The following LOXL2 variants were observed in gnomAD, a reference collection of about 807,000 sequenced individuals.
LOXL2 encodes lysyl oxidase like 2, also known as lysyl oxidase homolog 2.
In LOXL2, 70 loss-of-function variants were observed where a neutral mutation model predicts 93.0. That is an observed-to-expected ratio of 0.75 (90% CI 0.62 to 0.92). The LOEUF (loss-of-function observed/expected upper bound fraction) is 0.92. LOXL2 is among the 40% of genes least tolerant of loss of function. The pLI, the probability that LOXL2 is intolerant of heterozygous loss-of-function variation, is 0.00. For synonymous variants in LOXL2, 438 were observed against 413.2 expected, an observed-to-expected ratio of 1.06 and a Z score of -0.73; for missense variants, 973 against 1,054.9, an observed-to-expected ratio of 0.92 and a Z score of 1.08.
At chr8:23,330,754 T>C (rs142884184) in intron 5 of LOXL2, among the ~76,000 whole-genome samples, 1 of 132,808 alleles carries the variant, frequency 7.5e-6, no homozygotes, top group African/African-American at 2.9e-5. Context: ...GCTGAGGCTG[T>C]GGAAAGGATG....
Position 23,368,259 on chromosome 8 carries a change from G to T in LOXL2, c.93C>A (p.Pro31=). 2 of 1,613,906 alleles carry T rather than the reference G, an allele frequency of 1.2e-6. No individual in the cohort carries two copies. Among genetic ancestry groups the T allele is most frequent in the Non-Finnish European group, 1.7e-6 (2 of 1,180,012 alleles). ...PLSLAQYDSW[P]HYPEYFQQPA... is the part of the protein sequence containing the mutation. ...GTTGCTGGAAGTACTCGGGGTAATG[G>T]GGCCAGCTGTCATACTGTGCCAGGC... The change falls in exon 2 of 14, where the codon CCC becomes CCA. Residue 31 remains proline (P), a synonymous_variant. Transcript: ENST00000389131.
intron 3 of LOXL2, among the ~76,000 whole-genome samples, chr8:23,345,505 G>A (rs1483777476): frequency 6.6e-6 from 1 of 152,222 alleles, no homozygotes; most frequent in Non-Finnish European, 1.5e-5. Context: ...AGCGGGAGGA[G>A]GCAGGGAAGC....
intron 3 of LOXL2, among the ~76,000 whole-genome samples, chr8:23,347,719 C>G (rs1251384620): frequency 1.3e-5 from 2 of 151,946 alleles, no homozygotes; most frequent in South Asian, 4.1e-4. Flanking sequence ...CTATAATCCT[C>G]GTGCTTTGAG....
Position 23,368,078 on chromosome 8 carries a change from C to T in LOXL2, c.274G>A (p.Ala92Thr), listed in dbSNP as rs775789952. The change falls in exon 2 of 14, where the codon GCT (alanine) becomes ACT (threonine). Residue 92 changes from alanine to threonine, a missense_variant. Coordinates refer to ENST00000389131, the MANE Select transcript of LOXL2 (RefSeq NM_002318.3). ...AGCTCCCGGCAGACGACGTGGGCAG[C>T]GTGGATGGAGAAGTCGTCATCGCAC... ...TVCDDDFSIH[A>T]AHVVCRELGY... The T allele has an allele frequency of 9.9e-6, 16 of 1,613,928 alleles. No individual in the cohort carries two copies. Among genetic ancestry groups the T allele is most frequent in the Admixed American group, 1.7e-5 (1 of 60,006 alleles).
intron 1 of LOXL2, among the ~76,000 whole-genome samples, chr8:23,399,756 A>G (rs1049069302): frequency 6.6e-6 from 1 of 152,218 alleles, no homozygotes; most frequent in Non-Finnish European, 1.5e-5. Flanking sequence ...AGGCTCCCCA[A>G]ACTTTAAAAT....
intron 1 of LOXL2, among the ~76,000 whole-genome samples, chr8:23,373,857 C>G (rs1563205415): frequency 1.3e-5 from 2 of 152,178 alleles, no homozygotes; most frequent in South Asian, 4.2e-4. Context: ...TCTCCCTCCC[C>G]TGACTTTCCC....
At chr8:23,344,368 G>A (rs922081778) in intron 3 of LOXL2, among the ~76,000 whole-genome samples, 2 of 152,078 alleles carry the variant, frequency 1.3e-5, no homozygotes, top group African/African-American at 4.8e-5. Flanking sequence ...GCATGGTGGT[G>A]TGTGCTTGAT....
rs536312869 is a variant in LOXL2, at chr8:23,310,045, G to T, written c.1637-134C>A. ...TGGAATGACTCAAGGGCTCCTCAAG[G>T]TTACCTTCTTGTTTAGCAAGACCCT... On this transcript the variant is annotated intron_variant, in intron 9 of 13. Coordinates refer to ENST00000389131, the MANE Select transcript of LOXL2 (RefSeq NM_002318.3). 2,123 of 966,816 alleles carry T rather than the reference G, an allele frequency of 2.2e-3. 11 individuals carry two copies. Among genetic ancestry groups the T allele is most frequent in the Non-Finnish European group, 2.7e-3 (1,925 of 712,458 alleles). The allele number at this position is 966,816 out of a possible 1,614,324, so 59.9% of individuals were successfully genotyped here.
chr8:23,341,877 G>C (rs1345474506), intron 3 of LOXL2, among the ~76,000 whole-genome samples: 1 of 152,236 alleles, frequency 6.6e-6, no homozygotes, highest in Non-Finnish European at 1.5e-5. Flanking sequence ...GCAGGGATCA[G>C]GGAGGTAGGG....
At chr8:23,302,316 A>AC (rs34437329) in intron 11 of LOXL2, among the ~76,000 whole-genome samples, 153 bp from the exon 12 acceptor site, 2 of 141,988 alleles carry the variant, frequency 1.4e-5, no homozygotes, top group Admixed American at 1.4e-4. Context: ...TTTCAGTAGA[A>AC]CCCCCCACTC....
chr8:23,351,034 A>C (rs1200828792), intron 3 of LOXL2, among the ~76,000 whole-genome samples: 1 of 152,118 alleles, frequency 6.6e-6, no homozygotes, highest in Non-Finnish European at 1.5e-5. Flanking sequence ...ATGGTAACAC[A>C]GTCATGAGGC....
intron 12 of LOXL2, 38 bp downstream of exon 12, chr8:23,301,989 C>A: frequency 1.2e-6 from 2 of 1,611,662 alleles, no homozygotes; most frequent in South Asian, 1.1e-5. Context: ...CTCCCCTCCT[C>A]CCCCTGCAGG....
rs1426979379 is a variant in LOXL2, at chr8:23,368,413, G to A, written c.-62C>T. On this transcript the variant is annotated 5_prime_UTR_variant, in exon 2 of 14. Coordinates refer to ENST00000389131, the MANE Select transcript of LOXL2 (RefSeq NM_002318.3). ...TGCGCAGCTGGGAGGGACAGGCGGG[G>A]TACAGAAGCAGCAGGAGCTTTCTGG... 2.1e-6 allele frequency: 3 copies of A among 1,432,680 alleles called. No homozygotes were observed. Among genetic ancestry groups the A allele is most frequent in the East Asian group, 2.3e-5 (1 of 44,016 alleles). The allele number at this position is 1,432,680 out of a possible 1,614,324, so 88.7% of individuals were successfully genotyped here.
At chr8:23,320,799 C>T (rs575900472) in intron 7 of LOXL2, among the ~76,000 whole-genome samples, 12 of 152,130 alleles carry the variant, frequency 7.9e-5, no homozygotes, top group Non-Finnish European at 1.2e-4. Context: ...CTGTAGTCCC[C>T]GCTACTCGGG....
intron 12 of LOXL2, among the ~76,000 whole-genome samples, chr8:23,299,582 A>G (rs1803093684): frequency 6.6e-6 from 1 of 152,132 alleles, no homozygotes; most frequent in South Asian, 2.1e-4. Context: ...ATATTCTGGG[A>G]GAGTGTCTGT....
Position 23,360,205 on chromosome 8 carries a change from G to A in LOXL2, c.416C>T (p.Thr139Ile), listed in dbSNP as rs1297748326. The change falls in exon 3 of 14, where the codon ACC becomes ATC. Residue 139 changes from threonine to isoleucine, a missense_variant. Physicochemically the swap from Thr to Ile is moderately conservative, Grantham distance 89. Transcript: ENST00000389131. ...GTCAGTGACGCCCCAGCCATTGGAG[G>A]TGCATGCTGCAAGGGTCGCCTCGTT... ...TGNEATLAAC[T>I]SNGWGVTDCK... The A allele has an allele frequency of 6.2e-7, 1 of 1,614,086 alleles. No homozygotes were observed. The highest frequency in any genetic ancestry group is 1.7e-5 in the Admixed American group (1 of 60,024).
intron 4 of LOXL2, among the ~76,000 whole-genome samples, chr8:23,340,615 G>A (rs75758907): frequency 6.6e-6 from 1 of 152,150 alleles, no homozygotes; most frequent in Non-Finnish European, 1.5e-5. Flanking sequence ...GGTGTTGTCT[G>A]TGCCCAGCCT....
rs556123208 is a variant in LOXL2, at chr8:23,325,381, G to A, written c.1150+3001C>T. 1.1e-3 allele frequency among the ~76,000 whole-genome samples: 162 copies of A among 152,152 alleles called. 3 individuals are homozygous for A. The South Asian group carries it at 0.017, about 16-fold the overall frequency. On this transcript the variant is annotated intron_variant, in intron 6 of 13. Coordinates refer to ENST00000389131, the MANE Select transcript of LOXL2 (RefSeq NM_002318.3). The stretch of plus-strand genomic sequence containing the variant: ...ATCATGGTTCACTGCAGCCTACCTC[G>A]AGGGCTCAAGTGATCCTCCCACCTC...
At chr8:23,356,946 C>T (rs1804210630) in intron 3 of LOXL2, among the ~76,000 whole-genome samples, 1 of 152,198 alleles carries the variant, frequency 6.6e-6, no homozygotes, top group South Asian at 2.1e-4. Flanking sequence ...TCTTTCCCTG[C>T]TGGTATCCCA....
Sources: allele counts gnomAD v4.1 joint callset (sites outside exome capture counted in the v4.1 genomes callset), GRCh38; gene constraint gnomAD v4.1.1; transcripts MANE v1.5; gene names NCBI Gene and HGNC (gene_info 2026-07-23, HGNC 2026-07-21).